SPG7: variants seen among roughly 807,000 people sequenced by gnomAD.
SPG7 encodes the protein SPG7 matrix AAA peptidase subunit, paraplegin.
Under a neutral mutation model 81.9 loss-of-function variants are expected in SPG7, and 103 were observed. That is an observed-to-expected ratio of 1.26 (90% CI 1.07 to 1.48). The LOEUF (loss-of-function observed/expected upper bound fraction) is 1.48. SPG7 is among the 40% of genes most tolerant of loss of function. The pLI, the probability that SPG7 is intolerant of heterozygous loss-of-function variation, is 0.00. For missense variants in SPG7, 1,241 were observed against 1,087.3 expected (o/e 1.14, Z -1.99); for synonymous variants, 534 against 444.2 (o/e 1.20, Z -2.54).
At chr16:89,529,244 G>T in intron 5 of SPG7, 1 of 581,620 alleles carries the variant, frequency 1.7e-6, no homozygotes, top group Non-Finnish European at 3.1e-6. Flanking sequence ...CTAGATCTCC[G>T]GCATCTGCAC....
In SPG7 at chr16:89,526,647, G is replaced by T. The variant is rs1056316915; in HGVS notation, c.758+179G>T. The T allele has an allele frequency of 2.7e-5, 18 of 670,420 alleles. No individual in the cohort carries two copies. The South Asian group carries it at 2.9e-4, about 11-fold the overall frequency. 41.5% of individuals were successfully genotyped at this position (670,420 alleles called of 1,614,324 possible). On this transcript the variant is annotated intron_variant, in intron 5 of 16. Coordinates refer to ENST00000645818, the MANE Select transcript of SPG7 (RefSeq NM_003119.4). ...CAATGCCAGGAGATTTGGAAATATA[G>T]TTATCCCTGGGTATCCATGGGGGCT...
rs940336229 is a variant in SPG7, at chr16:89,550,610, G to T, written c.1779+1G>T. On this transcript the variant is annotated splice_donor_variant, in intron 13 of 16. Transcript: ENST00000645818. LOFTEE classifies it high-confidence loss of function. ...GGAGCACACGGAGGCCGTGATGAAG[G>T]TGGGTCTTGGCAGGTGCCGGCTCCA... 6.2e-7 allele frequency: 1 copy of T among 1,610,650 alleles called. No individual in the cohort carries two copies. Among genetic ancestry groups the T allele is most frequent in the Non-Finnish European group, 8.5e-7 (1 of 1,177,472 alleles).
intron 9 of SPG7, chr16:89,541,722 G>T: frequency 6.6e-6 from 1 of 152,232 alleles, no homozygotes; most frequent in East Asian, 1.9e-4. Flanking sequence ...GCAATTTGTT[G>T]TGTGTCTGTT....
At chr16:89,526,253 C>A in intron 4 of SPG7, 76 bp from the exon 5 acceptor site, 1 of 1,553,784 alleles carries the variant, frequency 6.4e-7, no homozygotes, top group Non-Finnish European at 8.9e-7. Context: ...GAGTTCCAGG[C>A]GGGCTCTCTG....
In SPG7 at chr16:89,553,050, C is replaced by T; in HGVS notation, c.1851C>T (p.Phe617=). 2 of 1,614,088 alleles carry T rather than the reference C, an allele frequency of 1.2e-6. No homozygotes were observed. The highest frequency in any genetic ancestry group is 2.2e-5 in the East Asian group (1 of 44,882). Residue 617 remains phenylalanine (F), a synonymous_variant, in exon 14 of 17, where the codon TTC becomes TTT. Coordinates refer to ENST00000645818, the MANE Select transcript of SPG7 (RefSeq NM_003119.4). The part of the protein sequence containing the change: ...AQMLPRDQHL[F]TKEQLFERMC... ...TGCTCCCCAGAGACCAGCACCTCTT[C>T]ACCAAGGAGCAGCTGTTTGAGCGGA...
At chr16:89,513,725 T>C (rs2058053020) in intron 3 of SPG7, among the ~76,000 whole-genome samples, 1 of 139,464 alleles carries the variant, frequency 7.2e-6, no homozygotes, top group African/African-American at 2.7e-5. Flanking sequence ...TGCTTTGCTT[T>C]TGGATCCTTG....
At chr16:89,547,546 C>A in intron 11 of SPG7, 1 of 235,392 alleles carries the variant, frequency 4.2e-6, no homozygotes, top group Non-Finnish European at 8.5e-6. Context: ...CCGTGCCTCT[C>A]TCCCAGACGC....
At chr16:89,554,625 T>TC in intron 16 of SPG7, 62 bp downstream of exon 16, 1 of 1,090,296 alleles carries the variant, frequency 9.2e-7, no homozygotes, top group Non-Finnish European at 1.4e-6. Context: ...GCACCCACGG[T>TC]CCCCACCCCT....
In SPG7 at chr16:89,553,137, TGAG is replaced by T. The variant is rs758782373; in HGVS notation, c.1936+6_1936+8del. The T allele has an allele frequency of 1.9e-6, 3 of 1,603,772 alleles. No individual in the cohort carries two copies. The highest frequency in any genetic ancestry group is 1.7e-6 in the Non-Finnish European group (2 of 1,175,238). On this transcript the variant is annotated splice_donor_5th_base_variant and intron_variant, in intron 14 of 16. Transcript: ENST00000645818. ...TGTCCTTCAACGAGGTCACTTCTGG[TGAG>T]GAGCAGCGGCGCGGGCCCTGGAGGT... is the stretch of plus-strand genomic sequence containing the variant.
At chr16:89,536,609 T>TGGGTGAGGC (rs1200470457) in intron 9 of SPG7, among the ~76,000 whole-genome samples, 7 of 34,510 alleles carry the variant, frequency 2.0e-4, no homozygotes, top group Non-Finnish European at 3.9e-4. Context: ...TGAGGTGAGG[T>TGGGTGAGGC]GGGTGAGGCG....
At position 89,532,465 on chromosome 16, in the gene SPG7, C is replaced by A. The variant is rs1271077747; in HGVS notation, c.1153C>A (p.Leu385Ile). Residue 385 changes from leucine (L) to isoleucine (I), a missense_variant and splice_region_variant, in exon 9 of 17, where the codon CTC becomes ATC. Transcript: ENST00000645818. ...TGATTCTCTCTGTGTCCCCTCAGGC[C>A]TCGGCGCTGCCCGTGTGCGGAGCCT... ...GPEFVEVIGG[L>I]GAARVRSLFK... The A allele has an allele frequency of 6.2e-7, 1 of 1,613,392 alleles. No homozygotes were observed.
At chr16:89,518,647 G>A (rs1279657156) in intron 3 of SPG7, 2 of 152,138 alleles carry the variant, frequency 1.3e-5, no homozygotes, top group African/African-American at 2.4e-5. Flanking sequence ...GAACCCAGAA[G>A]GAATTATACG....
At chr16:89,537,347 C>T (rs1328434713) in intron 9 of SPG7, 2 of 1,167,862 alleles carry the variant, frequency 1.7e-6, no homozygotes, top group Admixed American at 4.2e-5. Context: ...ACGTCCAGGT[C>T]CCGGCTCCTG....
chr16:89,514,935 C>CTTTT (rs56327708), intron 3 of SPG7, among the ~76,000 whole-genome samples: 3 of 122,536 alleles, frequency 2.4e-5, no homozygotes, highest in Admixed American at 8.5e-5. Context: ...TGGCCTTGAC[C>CTTTT]TTTTTTTTTT....
chr16:89,536,748 CCTT>C lies in SPG7; in HGVS notation c.1324+4118_1324+4120del, dbSNP rs780722333. Reference sequence around the variant, plus strand: ...AGGTCTTCGTCCTGTGAGTCTGCGGCCTTCTTCTCCAACCAGGTGCCTCTCTTG... The same window carrying C: ...AGGTCTTCGTCCTGTGAGTCTGCGGCCTTCTCCAACCAGGTGCCTCTCTTG... On this transcript the variant is annotated intron_variant, in intron 9 of 16. Transcript: ENST00000645818. 13 of 1,613,454 alleles carry C rather than the reference CCTT, an allele frequency of 8.1e-6. No homozygotes were observed. The East Asian group carries it at 1.3e-4, about 17-fold the overall frequency.
intron 5 of SPG7, chr16:89,528,506 T>A (rs1297174656): frequency 6.6e-6 from 1 of 151,324 alleles, no homozygotes; most frequent in Non-Finnish European, 1.5e-5. Flanking sequence ...AGGCCCATTC[T>A]CGTGTCTTTG....
At chr16:89,538,249 T>C (rs1291495673) in intron 9 of SPG7, 1 of 151,948 alleles carries the variant, frequency 6.6e-6, no homozygotes, top group East Asian at 1.9e-4. Context: ...GAGACATCCC[T>C]CAAAGAAAGC....
intron 16 of SPG7, 164 bp downstream of exon 16, chr16:89,554,727 A>G: frequency 1.6e-6 from 1 of 641,680 alleles, no homozygotes; most frequent in South Asian, 1.7e-5. Context: ...CGTGTTCCAT[A>G]CTTTTTATCC....
intron 8 of SPG7, among the ~76,000 whole-genome samples, 185 bp downstream of exon 8, chr16:89,532,251 C>T (rs746449597): frequency 3.3e-5 from 5 of 152,346 alleles, no homozygotes; most frequent in Admixed American, 6.5e-5. Context: ...TCAAAGCCAC[C>T]GTCACTTGTG....
Sources: gnomAD v4.1 joint callset for allele counts (sites outside exome capture counted in the v4.1 genomes callset) on GRCh38, gnomAD v4.1.1 for gene constraint, MANE v1.5 for transcripts, NCBI Gene and HGNC (gene_info 2026-07-23, HGNC 2026-07-21) for gene names.